Variants in DIAPH1 observed in about 807,000 individuals in gnomAD.
The protein encoded by DIAPH1 is protein diaphanous homolog 1.
A neutral mutation model predicts 140.7 loss-of-function variants in DIAPH1; 46 were observed. The ratio of observed to expected loss-of-function variants is 0.33; its 90% CI spans 0.26 to 0.42. The LOEUF (loss-of-function observed/expected upper bound fraction) is 0.42. Ranked by LOEUF, DIAPH1 falls within the 10% of genes least tolerant of loss-of-function variation. The probability of loss-of-function intolerance (pLI) is 1.00; values close to 1 mark genes in which losing one functional copy is unlikely to be tolerated. For synonymous variants in DIAPH1, 565 were observed against 551.6 expected (o/e 1.02, Z -0.34); for missense variants, 1,310 against 1,558.7 (o/e 0.84, Z 2.69).
intron 1 of DIAPH1, among the ~76,000 whole-genome samples, chr5:141,592,431 T>G (rs920607410): frequency 6.6e-5 from 10 of 152,180 alleles, no homozygotes; most frequent in African/African-American, 2.4e-4. Flanking sequence ...TTTAATTGTA[T>G]CATTAGTTGT....
chr5:141,590,138 A>C (rs2099898177), intron 1 of DIAPH1, among the ~76,000 whole-genome samples: 1 of 152,220 alleles, frequency 6.6e-6, no homozygotes, highest in Non-Finnish European at 1.5e-5. Context: ...TTCATGGACA[A>C]GAAAAATCTA....
At chr5:141,547,050 C>A (rs1219700313) in intron 18 of DIAPH1, among the ~76,000 whole-genome samples, 1 of 152,232 alleles carries the variant, frequency 6.6e-6, no homozygotes, top group Non-Finnish European at 1.5e-5. Context: ...GATTCACATA[C>A]AACTCAGACA....
chr5:141,587,815 T>C (rs1245303935), intron 2 of DIAPH1, among the ~76,000 whole-genome samples: 1 of 152,224 alleles, frequency 6.6e-6, no homozygotes, highest in Non-Finnish European at 1.5e-5. Flanking sequence ...GGGGTATATA[T>C]GCCATCTCTC....
intron 1 of DIAPH1, among the ~76,000 whole-genome samples, chr5:141,617,367 G>A (rs559632312): frequency 1.3e-5 from 2 of 152,276 alleles, no homozygotes; most frequent in Admixed American, 1.3e-4. Flanking sequence ...TCACTGGAAA[G>A]GGCAGTCCAG....
intron 18 of DIAPH1, among the ~76,000 whole-genome samples, chr5:141,535,486 T>C (rs995445331): frequency 6.6e-6 from 1 of 152,254 alleles, no homozygotes; most frequent in Non-Finnish European, 1.5e-5. Context: ...TATTCAATGT[T>C]TTGTGACATT....
chr5:141,551,712 C>T (rs1324327360), intron 18 of DIAPH1, among the ~76,000 whole-genome samples: 1 of 152,072 alleles, frequency 6.6e-6, no homozygotes, highest in Non-Finnish European at 1.5e-5. Context: ...ATGCCTACTC[C>T]ATAAAGTGAG....
At chr5:141,583,698 CTTTATT>C (rs2099897109) in intron 4 of DIAPH1, 83 bp from the exon 5 acceptor site, 1 of 1,564,858 alleles carries the variant, frequency 6.4e-7, no homozygotes, top group Non-Finnish European at 8.8e-7. Context: ...AGAGTTTATA[CTTTATT>C]TTTATTTTTT....
Position 141,584,090 on chromosome 5 carries a change from CTCCCATGTCATGGGTACCTG to C in DIAPH1, c.402+14_402+33del, listed in dbSNP as rs777383591. The C allele has an allele frequency of 6.6e-6, 9 of 1,354,982 alleles. No individual in the cohort carries two copies. Among genetic ancestry groups the C allele is most frequent in the Non-Finnish European group, 9.5e-6 (9 of 945,176 alleles). The allele number at this position is 1,354,982 out of a possible 1,614,324, so 83.9% of individuals were successfully genotyped here. On this transcript the variant is annotated intron_variant, in intron 4 of 27. Coordinates refer to ENST00000389054, the MANE Select transcript of DIAPH1 (RefSeq NM_005219.5). ...AACAGGTCCAAGACAAGGGCACAGT[CTCCCATGTCATGGGTACCTG>C]TCCCAGGACTCACAGCCTTGGAGGT...
chr5:141,517,176 T>C (rs1034098319), intron 27 of DIAPH1, among the ~76,000 whole-genome samples, 168 bp from the exon 28 acceptor site: 2 of 152,164 alleles, frequency 1.3e-5, no homozygotes, highest in Admixed American at 6.5e-5. Context: ...TGGAATATAT[T>C]GTTGGGTGGC....
intron 18 of DIAPH1, among the ~76,000 whole-genome samples, chr5:141,568,440 CAA>C (rs2099894695): frequency 6.6e-6 from 1 of 152,212 alleles, no homozygotes; most frequent in South Asian, 2.1e-4. Context: ...AAAGTAAATT[CAA>C]AATATTCTCT....
In DIAPH1 at chr5:141,583,561, T is replaced by C. The variant is rs778070862; in HGVS notation, c.457A>G (p.Arg153Gly). The change falls in exon 5 of 28, where the codon AGG becomes GGG. Residue 153 changes from arginine to glycine, a missense_variant. Arg to Gly is a moderately radical substitution (Grantham distance 125). Transcript: ENST00000389054. The part of the protein sequence containing the change: ...KSAMMYIQEL[R>G]SGLRDMPLLS... ...AGAGGCATATCCCGCAAGCCTGACC[T>C]CAACTCCTGAATATACATCATGGCA... 1 of 1,614,166 alleles carries C rather than the reference T, an allele frequency of 6.2e-7. No individual in the cohort carries two copies. Among genetic ancestry groups the C allele is most frequent in the Non-Finnish European group, 8.5e-7 (1 of 1,180,020 alleles).
At chr5:141,608,313 A>T (rs893836714) in intron 1 of DIAPH1, among the ~76,000 whole-genome samples, 24 of 152,326 alleles carry the variant, frequency 1.6e-4, no homozygotes, top group Middle Eastern at 3.4e-3. Context: ...CTTAAAAAAT[A>T]AAAAATAAAG....
chr5:141,597,958 T>C (rs1269910312), intron 1 of DIAPH1, among the ~76,000 whole-genome samples: 1 of 152,212 alleles, frequency 6.6e-6, no homozygotes, highest in African/African-American at 2.4e-5. Context: ...ACCTTATTCC[T>C]GTTGAATGTC....
chr5:141,516,781 T>G lies in DIAPH1; in HGVS notation c.*70A>C. ...CCCAGAGGAATATCCCCTTGAGCCT[T>G]TAGGCACATGCTGCAGGGCAGGACA... On this transcript the variant is annotated 3_prime_UTR_variant, in exon 28 of 28. Transcript: ENST00000389054. 6.3e-7 allele frequency: 1 copy of G among 1,589,372 alleles called. No individual in the cohort carries two copies. The highest frequency in any genetic ancestry group is 8.6e-7 in the Non-Finnish European group (1 of 1,161,310).
chr5:141,569,320 A>C (rs955308386), intron 18 of DIAPH1, among the ~76,000 whole-genome samples: 10 of 152,208 alleles, frequency 6.6e-5, no homozygotes, highest in Admixed American at 6.5e-4. Context: ...TGAAATATTT[A>C]CAAGGTTGAT....
intron 18 of DIAPH1, among the ~76,000 whole-genome samples, chr5:141,569,921 G>C (rs2099894908): frequency 6.6e-6 from 1 of 152,130 alleles, no homozygotes; most frequent in African/African-American, 2.4e-5. Context: ...TTGAGAGCTT[G>C]AAATTCCTTA....
chr5:141,585,665 T>C (rs1045173182), intron 3 of DIAPH1, among the ~76,000 whole-genome samples: 14 of 152,094 alleles, frequency 9.2e-5, no homozygotes, highest in Admixed American at 3.3e-4. Flanking sequence ...CCGGGCATGG[T>C]GGTGTCCACC....
intron 1 of DIAPH1, among the ~76,000 whole-genome samples, chr5:141,592,112 T>A (rs921769842): frequency 6.7e-5 from 10 of 149,800 alleles, no homozygotes; most frequent in East Asian, 2.0e-4. Flanking sequence ...AAAGAAAATT[T>A]AAAAAAAATT....
chr5:141,581,317 T>C (rs998752926), intron 7 of DIAPH1, among the ~76,000 whole-genome samples: 1 of 152,224 alleles, frequency 6.6e-6, no homozygotes, highest in African/African-American at 2.4e-5. Context: ...TGCTGGTACC[T>C]TGGATTTTGA....
Sources: allele counts gnomAD v4.1 joint callset (sites outside exome capture counted in the v4.1 genomes callset), GRCh38; gene constraint gnomAD v4.1.1; transcripts MANE v1.5; gene names NCBI Gene and HGNC (gene_info 2026-07-23, HGNC 2026-07-21).